Variants in GALNT13 observed in about 807,000 individuals in gnomAD.
GALNT13 encodes the protein polypeptide N-acetylgalactosaminyltransferase 13.
Under a neutral mutation model 64.2 loss-of-function variants are expected in GALNT13, and 28 were observed. The observed-to-expected ratio is 0.44, with a 90% CI of 0.32 to 0.60. The LOEUF (loss-of-function observed/expected upper bound fraction) is 0.60. GALNT13 is among the 20% of genes least tolerant of loss of function. GALNT13 has a pLI of 0.05. For missense variants in GALNT13, 577 were observed against 669.8 expected, an observed-to-expected ratio of 0.86 and a Z score of 1.53; for synonymous variants, 214 against 224.6, an observed-to-expected ratio of 0.95 and a Z score of 0.42.
the GALNT13 span, among the ~76,000 whole-genome samples, chr2:153,316,636 T>C: frequency 0.02 from 806 of 41,028 alleles, 14 homozygotes; most frequent in African/African-American, 0.062. Flanking sequence ...CGAGACTCCG[T>C]CTCAAAAAAA....
chr2:153,168,589 A>G, the GALNT13 span, among the ~76,000 whole-genome samples: 33 of 152,300 alleles, frequency 2.2e-4, no homozygotes, highest in Middle Eastern at 3.4e-3. Context: ...GCAAACTTCA[A>G]GTACACATAT....
chr2:153,175,549 G>A, the GALNT13 span, among the ~76,000 whole-genome samples: 2 of 152,240 alleles, frequency 1.3e-5, no homozygotes, highest in East Asian at 3.9e-4. Flanking sequence ...TCTAATGCAA[G>A]AAAATGATTT....
chr2:154,432,348 A>C (rs375110327), intron 11 of GALNT13, among the ~76,000 whole-genome samples: 1 of 152,204 alleles, frequency 6.6e-6, no homozygotes, highest in South Asian at 2.1e-4. Flanking sequence ...TTGCAATGAC[A>C]ATCTAAAATC....
chr2:154,164,287 C>T (rs998713764), intron 4 of GALNT13, among the ~76,000 whole-genome samples: 1 of 151,926 alleles, frequency 6.6e-6, no homozygotes, highest in African/African-American at 2.4e-5. Context: ...GATGATCACC[C>T]AAAAGGTGAT....
chr2:154,122,278 G>A (rs1681992118), intron 3 of GALNT13, among the ~76,000 whole-genome samples: 1 of 151,708 alleles, frequency 6.6e-6, no homozygotes. Context: ...AGTAATCTAG[G>A]ATAAAAAATA....
At chr2:154,327,640 G>A (rs1484861171) in intron 9 of GALNT13, among the ~76,000 whole-genome samples, 2 of 152,050 alleles carry the variant, frequency 1.3e-5, no homozygotes, top group Non-Finnish European at 2.9e-5. Flanking sequence ...CTGGTTTCCA[G>A]AACTTACATA....
chr2:154,107,419 G>A (rs778610398), intron 3 of GALNT13, among the ~76,000 whole-genome samples: 7 of 151,678 alleles, frequency 4.6e-5, no homozygotes, highest in African/African-American at 9.7e-5. Flanking sequence ...GTGAAACCTC[G>A]TCTCTATTAA....
intron 3 of GALNT13, among the ~76,000 whole-genome samples, chr2:153,969,926 G>A (rs995620335): frequency 1.3e-5 from 2 of 152,204 alleles, no homozygotes; most frequent in Admixed American, 6.5e-5. Flanking sequence ...GATTGCTGAA[G>A]GTGAGAGATT....
the GALNT13 span, among the ~76,000 whole-genome samples, chr2:153,279,115 T>A: frequency 6.6e-6 from 1 of 152,132 alleles, no homozygotes; most frequent in Non-Finnish European, 1.5e-5. Context: ...TGTGTGTGTG[T>A]GGCTATTGTG....
the GALNT13 span, among the ~76,000 whole-genome samples, chr2:153,390,242 A>G: frequency 2.6e-5 from 4 of 152,118 alleles, no homozygotes; most frequent in African/African-American, 4.8e-5. Flanking sequence ...GTTCTCACTC[A>G]TAAGTGGGAG....
chr2:153,334,529 A>G, the GALNT13 span, among the ~76,000 whole-genome samples: 1 of 152,168 alleles, frequency 6.6e-6, no homozygotes, highest in Non-Finnish European at 1.5e-5. Flanking sequence ...TTCACCCTGT[A>G]TAAACAAAAT....
the GALNT13 span, among the ~76,000 whole-genome samples, chr2:153,216,294 C>T: frequency 7.2e-5 from 11 of 151,934 alleles, no homozygotes; most frequent in Non-Finnish European, 1.3e-4. Flanking sequence ...TTTGTGAGAA[C>T]ATAAGTTTTT....
At chr2:154,283,724 TAC>T (rs1692095831) in intron 8 of GALNT13, among the ~76,000 whole-genome samples, 1 of 152,064 alleles carries the variant, frequency 6.6e-6, no homozygotes, top group African/African-American at 2.4e-5. Context: ...TGTGTGTATA[TAC>T]ACACAAGCAC....
At chr2:153,368,052 A>G in the GALNT13 span, among the ~76,000 whole-genome samples, 73 of 152,274 alleles carry the variant, frequency 4.8e-4, no homozygotes, top group African/African-American at 1.6e-3. Context: ...TAATATGTCT[A>G]TAAAAGACCC....
At chr2:153,731,363 G>A in the GALNT13 span, among the ~76,000 whole-genome samples, 1 of 151,698 alleles carries the variant, frequency 6.6e-6, no homozygotes, top group Non-Finnish European at 1.5e-5. Context: ...GTGGGACGTG[G>A]GTGAGGGATG....
the GALNT13 span, among the ~76,000 whole-genome samples, chr2:153,114,249 C>T: frequency 6.6e-6 from 1 of 152,062 alleles, no homozygotes. Context: ...TTTAGTTGGT[C>T]AGCTCCTCTC....
At chr2:153,619,344 A>G in the GALNT13 span, among the ~76,000 whole-genome samples, 1 of 152,088 alleles carries the variant, frequency 6.6e-6, no homozygotes, top group Non-Finnish European at 1.5e-5. Flanking sequence ...TCCTGCTTTA[A>G]AACTATTTAT....
chr2:153,373,502 T>C, the GALNT13 span, among the ~76,000 whole-genome samples: 1 of 152,176 alleles, frequency 6.6e-6, no homozygotes, highest in Non-Finnish European at 1.5e-5. Context: ...GATCCCTATA[T>C]ACAATTTTGA....
chr2:153,385,193 C>G, the GALNT13 span, among the ~76,000 whole-genome samples: 1 of 151,958 alleles, frequency 6.6e-6, no homozygotes, highest in Non-Finnish European at 1.5e-5. Context: ...GGTATATACC[C>G]AAAAGAGAGG....
Sources: allele counts gnomAD v4.1 joint callset (sites outside exome capture counted in the v4.1 genomes callset), GRCh38; gene constraint gnomAD v4.1.1; transcripts MANE v1.5; gene names NCBI Gene and HGNC (gene_info 2026-07-23, HGNC 2026-07-21).